SNX29: variants seen among roughly 807,000 people sequenced by gnomAD.
SNX29 encodes sorting nexin 29, also known as sorting nexin-29.
In SNX29, 78 loss-of-function variants were observed where a neutral mutation model predicts 102.1. That is an observed-to-expected ratio of 0.76 (90% CI 0.64 to 0.92). The LOEUF (loss-of-function observed/expected upper bound fraction) is 0.92. Among genes scored for constraint, SNX29 ranks in the 40% least tolerant of loss-of-function variants. SNX29 has a pLI of 0.00. For synonymous variants in SNX29, 580 were observed against 414.5 expected (o/e 1.40, Z -4.85); for missense variants, 1,280 against 1,061.7 (o/e 1.21, Z -2.86).
chr16:12,146,261 G>T (rs1053217261), intron 13 of SNX29, among the ~76,000 whole-genome samples: 2 of 150,486 alleles, frequency 1.3e-5, no homozygotes, highest in African/African-American at 5.0e-5. Flanking sequence ...CAAAGTATAT[G>T]ATTTTTTTTT....
intron 7 of SNX29, among the ~76,000 whole-genome samples, chr16:12,050,717 CT>C (rs559965302): frequency 5.3e-4 from 77 of 146,536 alleles, no homozygotes; most frequent in Admixed American, 6.9e-4. Context: ...ATTTCTGCCA[CT>C]TTTTTTTTTT....
intron 13 of SNX29, among the ~76,000 whole-genome samples, chr16:12,193,664 A>G (rs977987815): frequency 1.3e-5 from 2 of 152,122 alleles, no homozygotes; most frequent in Non-Finnish European, 2.9e-5. Context: ...GTTTTACTTA[A>G]TATTTGTATA....
At chr16:12,564,243 A>C (rs538836732) in intron 20 of SNX29, among the ~76,000 whole-genome samples, 1 of 152,114 alleles carries the variant, frequency 6.6e-6, no homozygotes, top group South Asian at 2.1e-4. Context: ...AAAAATCTCT[A>C]CTCAGTTCCT....
intron 16 of SNX29, among the ~76,000 whole-genome samples, chr16:12,365,643 A>G (rs900309004): frequency 6.6e-6 from 1 of 150,920 alleles, no homozygotes; most frequent in Non-Finnish European, 1.5e-5. Flanking sequence ...TTGAGCCGAG[A>G]TCACGCAACT....
chr16:12,535,280 A>C (rs1356296702), intron 20 of SNX29, among the ~76,000 whole-genome samples: 1 of 152,200 alleles, frequency 6.6e-6, no homozygotes, highest in East Asian at 1.9e-4. Flanking sequence ...CTGGGATTAC[A>C]GGCATGTGCC....
At chr16:12,204,743 T>G (rs1264581800) in intron 14 of SNX29, among the ~76,000 whole-genome samples, 1 of 152,256 alleles carries the variant, frequency 6.6e-6, no homozygotes, top group Non-Finnish European at 1.5e-5. Flanking sequence ...TCAGCCTGTC[T>G]GGTGTGTCGT....
chr16:12,242,438 A>C (rs2078135141), intron 14 of SNX29, among the ~76,000 whole-genome samples: 1 of 149,400 alleles, frequency 6.7e-6, no homozygotes. Flanking sequence ...CTTGATGTTC[A>C]TAGTCCACTT....
chr16:12,050,735 A>G (rs2050264338), intron 7 of SNX29, among the ~76,000 whole-genome samples: 1 of 152,050 alleles, frequency 6.6e-6, no homozygotes, highest in Non-Finnish European at 1.5e-5. Context: ...TTTTGGAGAA[A>G]GAGTCTCGCT....
At chr16:11,992,388 A>G (rs1473703492) in intron 1 of SNX29, among the ~76,000 whole-genome samples, 1 of 131,846 alleles carries the variant, frequency 7.6e-6, no homozygotes, top group East Asian at 2.0e-4. Context: ...GTACAGTTGC[A>G]TTGTTGAGCA....
chr16:12,260,974 G>T (rs1567368933), intron 14 of SNX29, among the ~76,000 whole-genome samples: 2 of 150,482 alleles, frequency 1.3e-5, no homozygotes, highest in South Asian at 4.2e-4. Context: ...GTCTGTGTGC[G>T]CGCCCCCGGC....
intron 20 of SNX29, among the ~76,000 whole-genome samples, chr16:12,552,447 A>G (rs2078039984): frequency 6.6e-6 from 1 of 152,174 alleles, no homozygotes; most frequent in East Asian, 1.9e-4. Flanking sequence ...GCTGGAGTGA[A>G]ATACCTCGGG....
At chr16:12,089,844 T>G in intron 11 of SNX29, 1 of 400,776 alleles carries the variant, frequency 2.5e-6, no homozygotes, top group Non-Finnish European at 4.9e-6. Flanking sequence ...CTTCCGTCCT[T>G]CACTGCTCCT....
At chr16:11,983,599 A>C in intron 1 of SNX29, 7 of 962,416 alleles carry the variant, frequency 7.3e-6, no homozygotes, top group Non-Finnish European at 8.7e-6. Flanking sequence ...GGAATGCAAG[A>C]AGTACATGTT....
intron 13 of SNX29, among the ~76,000 whole-genome samples, chr16:12,176,181 A>G (rs1170270514): frequency 1.3e-5 from 2 of 152,168 alleles, no homozygotes; most frequent in Non-Finnish European, 2.9e-5. Context: ...AGCCTCCAGA[A>G]CTGTGAGAAA....
chr16:12,389,260 A>T (rs767367606), intron 16 of SNX29, among the ~76,000 whole-genome samples: 1 of 152,146 alleles, frequency 6.6e-6, no homozygotes, highest in Non-Finnish European at 1.5e-5. Flanking sequence ...ATGAGAACTG[A>T]TATGGATTGG....
intron 20 of SNX29, chr16:12,560,964 C>G (rs901875198): frequency 1.9e-5 from 4 of 212,174 alleles, no homozygotes; most frequent in Non-Finnish European, 2.9e-5. Flanking sequence ...CCAGACCTGC[C>G]TTCAAGGAAC....
intron 18 of SNX29, among the ~76,000 whole-genome samples, chr16:12,474,909 G>A (rs987162570): frequency 9.9e-5 from 15 of 152,198 alleles, no homozygotes; most frequent in Admixed American, 6.5e-5. Context: ...GTACGCCCAC[G>A]TGTGCTGGTA....
rs551127697 is a variant in SNX29, at chr16:12,545,292, C to G, written c.2318+20451C>G. Among the ~76,000 whole-genome samples, 7 of 152,280 alleles carry G rather than the reference C, an allele frequency of 4.6e-5. No homozygotes were observed. In the South Asian group the frequency reaches 6.2e-4, roughly 14 times the overall value. On this transcript the variant is annotated intron_variant, in intron 20 of 20. Coordinates refer to ENST00000566228, the MANE Select transcript of SNX29 (RefSeq NM_032167.5). ...TGAGAAATTGGTTTGCCACTTCGCC[C>G]TCTTTACATCTGGAAGACTCGCATC...
At chr16:12,355,885 A>T (rs1040656770) in intron 15 of SNX29, among the ~76,000 whole-genome samples, 8 of 144,838 alleles carry the variant, frequency 5.5e-5, no homozygotes, top group African/African-American at 1.8e-4. Flanking sequence ...AAGAGAGAGG[A>T]AAAAAAAAGC....
Sources: allele counts gnomAD v4.1 joint callset (sites outside exome capture counted in the v4.1 genomes callset), GRCh38; gene constraint gnomAD v4.1.1; transcripts MANE v1.5; gene names NCBI Gene and HGNC (gene_info 2026-07-23, HGNC 2026-07-21).